The following ASIC2 variants were observed in gnomAD, a reference collection of about 807,000 sequenced individuals.
ASIC2 encodes the protein acid-sensing ion channel 2.
Under a neutral mutation model 57.3 loss-of-function variants are expected in ASIC2, and 25 were observed. The ratio of observed to expected loss-of-function variants is 0.44; its 90% CI spans 0.32 to 0.61. The LOEUF (loss-of-function observed/expected upper bound fraction) is 0.61. ASIC2 is among the 20% of genes least tolerant of loss of function. ASIC2 has a pLI of 0.06. For missense variants in ASIC2, 641 were observed against 738.1 expected (o/e 0.87, Z 1.52); for synonymous variants, 319 against 307.5 (o/e 1.04, Z -0.39).
At chr17:34,069,067 C>A (rs561709558) in intron 1 of ASIC2, among the ~76,000 whole-genome samples, 1 of 152,180 alleles carries the variant, frequency 6.6e-6, no homozygotes, top group Non-Finnish European at 1.5e-5. Flanking sequence ...GCTACTCCTA[C>A]CCCTCTGAAC....
intron 3 of ASIC2, among the ~76,000 whole-genome samples, chr17:33,038,385 G>A (rs1446001874): frequency 2.0e-5 from 3 of 152,132 alleles, no homozygotes; most frequent in Non-Finnish European, 2.9e-5. Context: ...ACTCCTGCCC[G>A]GTTCAGACAT....
At chr17:33,868,515 A>G (rs1914305575) in intron 1 of ASIC2, among the ~76,000 whole-genome samples, 1 of 151,974 alleles carries the variant, frequency 6.6e-6, no homozygotes, top group South Asian at 2.1e-4. Context: ...AAAAAAATAT[A>G]GGCATAAATC....
chr17:33,099,500 T>A (rs1046479145), intron 2 of ASIC2, among the ~76,000 whole-genome samples: 1 of 152,222 alleles, frequency 6.6e-6, no homozygotes, highest in East Asian at 1.9e-4. Context: ...CTGAGAAATG[T>A]GGCTACACTT....
chr17:34,080,549 T>C (rs1005979669), intron 1 of ASIC2, among the ~76,000 whole-genome samples: 8 of 152,174 alleles, frequency 5.3e-5, no homozygotes, highest in African/African-American at 1.9e-4. Flanking sequence ...TGAGGCCCCA[T>C]GTTGGGCTCA....
At chr17:33,630,296 G>C (rs116585973) in intron 1 of ASIC2, among the ~76,000 whole-genome samples, 1 of 152,022 alleles carries the variant, frequency 6.6e-6, no homozygotes, top group Admixed American at 6.6e-5. Context: ...AGACTATGCC[G>C]CTTCTGTAGG....
chr17:34,073,309 C>G (rs912210245), intron 1 of ASIC2, among the ~76,000 whole-genome samples: 1 of 152,154 alleles, frequency 6.6e-6, no homozygotes, highest in Non-Finnish European at 1.5e-5. Context: ...TGTCTATGTT[C>G]CAATAAAACT....
In ASIC2 at chr17:33,293,090, CG is replaced by C; in HGVS notation, c.-976del. 2 of 960,550 alleles carry C rather than the reference CG, an allele frequency of 2.1e-6. No individual in the cohort carries two copies. Among genetic ancestry groups the C allele is most frequent in the African/African-American group, 1.8e-5 (1 of 56,774 alleles). 59.5% of individuals were successfully genotyped at this position (960,550 alleles called of 1,614,324 possible). ...ACTGCGGGGACCCGCCAACACCTCC[CG>C]GGGGTGACCCGGACTCGCTGCTCCG... On this transcript the variant is annotated 5_prime_UTR_variant, in exon 1 of 10. Transcript: ENST00000225823.
intron 1 of ASIC2, among the ~76,000 whole-genome samples, chr17:34,144,099 C>A (rs1024808719): frequency 6.6e-6 from 1 of 152,028 alleles, no homozygotes; most frequent in Non-Finnish European, 1.5e-5. Context: ...GACTGTAGGC[C>A]AATTCTTCCA....
intron 1 of ASIC2, among the ~76,000 whole-genome samples, chr17:33,146,957 C>A (rs1197120100): frequency 1.3e-5 from 2 of 152,210 alleles, no homozygotes; most frequent in African/African-American, 2.4e-5. Flanking sequence ...ACGGGTCAAA[C>A]TGAGTAATTC....
chr17:34,109,202 T>C (rs1911179688), intron 1 of ASIC2, among the ~76,000 whole-genome samples: 1 of 152,150 alleles, frequency 6.6e-6, no homozygotes, highest in Admixed American at 6.5e-5. Flanking sequence ...CTGTAACTTA[T>C]TATTTTGTTT....
chr17:33,877,385 C>T (rs1914575758), intron 1 of ASIC2, among the ~76,000 whole-genome samples: 1 of 152,194 alleles, frequency 6.6e-6, no homozygotes, highest in Admixed American at 6.5e-5. Flanking sequence ...AACAGGGTGA[C>T]AGACGGCAAC....
chr17:33,358,120 G>A (rs1020518426), intron 1 of ASIC2, among the ~76,000 whole-genome samples: 3 of 152,200 alleles, frequency 2.0e-5, no homozygotes, highest in African/African-American at 7.2e-5. Flanking sequence ...TGTACAGTCT[G>A]TGAGCTAAGA....
intron 1 of ASIC2, among the ~76,000 whole-genome samples, chr17:33,418,724 A>G (rs972882800): frequency 6.6e-6 from 1 of 152,108 alleles, no homozygotes; most frequent in African/African-American, 2.4e-5. Context: ...CCATTGGTCT[A>G]TATCTCTGTT....
intron 1 of ASIC2, among the ~76,000 whole-genome samples, chr17:33,570,211 T>C (rs1197104280): frequency 1.3e-5 from 2 of 152,258 alleles, no homozygotes; most frequent in Non-Finnish European, 2.9e-5. Context: ...TATCTTTTTA[T>C]AAATGTGGTC....
intron 1 of ASIC2, among the ~76,000 whole-genome samples, chr17:33,783,149 C>T (rs1007563949): frequency 6.6e-6 from 1 of 152,190 alleles, no homozygotes; most frequent in African/African-American, 2.4e-5. Flanking sequence ...CCATGGCTAG[C>T]AGAAATGATC....
At chr17:33,138,118 G>A (rs2092373325) in intron 1 of ASIC2, among the ~76,000 whole-genome samples, 1 of 152,184 alleles carries the variant, frequency 6.6e-6, no homozygotes, top group Non-Finnish European at 1.5e-5. Context: ...CAAGAGGTCT[G>A]GCACCAGGAA....
intron 1 of ASIC2, among the ~76,000 whole-genome samples, chr17:33,209,754 G>A (rs1406798581): frequency 1.3e-5 from 2 of 152,248 alleles, no homozygotes; most frequent in African/African-American, 4.8e-5. Context: ...TGAGTGAATA[G>A]TGAATGAATA....
chr17:33,612,274 T>C (rs1026612757), intron 1 of ASIC2, among the ~76,000 whole-genome samples: 2 of 152,140 alleles, frequency 1.3e-5, no homozygotes, highest in African/African-American at 4.8e-5. Flanking sequence ...TGTGGCCCAA[T>C]GAAGTTGACA....
intron 1 of ASIC2, among the ~76,000 whole-genome samples, chr17:33,697,682 G>T (rs371199289): frequency 6.6e-5 from 10 of 152,198 alleles, no homozygotes; most frequent in African/African-American, 2.2e-4. Flanking sequence ...TGAGTCAGCT[G>T]TTTAGACCAG....
Sources: allele counts gnomAD v4.1 joint callset (sites outside exome capture counted in the v4.1 genomes callset), GRCh38; gene constraint gnomAD v4.1.1; transcripts MANE v1.5; gene names NCBI Gene and HGNC (gene_info 2026-07-23, HGNC 2026-07-21).